Variants in LRRC27 observed in about 807,000 individuals in gnomAD.
LRRC27 encodes the protein leucine rich repeat containing 27.
A neutral mutation model predicts 55.0 loss-of-function variants in LRRC27; 57 were observed. The observed-to-expected ratio is 1.04, with a 90% confidence interval of 0.84 to 1.29. The LOEUF (loss-of-function observed/expected upper bound fraction) is 1.29, where lower values mean the gene tolerates loss of function less well. LRRC27 is among the 50% of genes most tolerant of loss of function. LRRC27 has a pLI of 0.00. For synonymous variants in LRRC27, 278 were observed against 251.9 expected (o/e 1.10, Z -0.98); for missense variants, 721 against 651.5 (o/e 1.11, Z -1.16).
rs2067843814 is a variant in LRRC27 at position 132,348,626 on chromosome 10, C to A, written c.926+270C>A. 6.6e-6 allele frequency among the ~76,000 whole-genome samples: 1 copy of A among 152,300 alleles called. No homozygotes were observed. The highest frequency in any genetic ancestry group is 1.9e-4 in the East Asian group (1 of 5,190). The stretch of plus-strand genomic sequence containing the variant: ...AAAGAGACATAAGCGACAGTGAGAT[C>A]TGTGGCCTGTGCTTTCTCCAGAGAG... On this transcript the variant is annotated intron_variant, in intron 6 of 10. Coordinates refer to ENST00000368614, the MANE Select transcript of LRRC27 (RefSeq NM_030626.3). The surrounding 1 kb of genome is among the most constrained non-coding windows in gnomAD (Gnocchi z 4.2).
intron 7 of LRRC27, among the ~76,000 whole-genome samples, chr10:132,353,612 C>G (rs539296892): frequency 3.9e-5 from 6 of 152,162 alleles, no homozygotes; most frequent in Admixed American, 1.3e-4. Flanking sequence ...GCTGACTGAC[C>G]GCTCTAGGGC....
intron 5 of LRRC27, among the ~76,000 whole-genome samples, chr10:132,347,397 A>G (rs1192107736): frequency 1.7e-4 from 24 of 139,158 alleles, no homozygotes; most frequent in Admixed American, 9.2e-4. Flanking sequence ...CTCTGTGGGA[A>G]GGTCAGGCGT....
At chr10:132,349,031 T>G in intron 6 of LRRC27, 1 of 1,609,848 alleles carries the variant, frequency 6.2e-7, no homozygotes, top group Non-Finnish European at 8.5e-7. Flanking sequence ...ATGGGCGTGG[T>G]AGGGCGTGCG....
intron 3 of LRRC27, 70 bp from the exon 4 acceptor site, chr10:132,342,143 G>T: frequency 1.0e-6 from 1 of 953,850 alleles, no homozygotes; most frequent in South Asian, 1.6e-5. Flanking sequence ...GAAGAAACTT[G>T]ATGGTATATT....
chr10:132,340,952 C>T (rs967514354), intron 3 of LRRC27, among the ~76,000 whole-genome samples: 2 of 151,346 alleles, frequency 1.3e-5, no homozygotes, highest in Middle Eastern at 3.5e-3. Context: ...TTGTCTAAAC[C>T]TTAAGTAATC....
At chr10:132,336,583 G>A (rs1245787443) in intron 2 of LRRC27, among the ~76,000 whole-genome samples, 3 of 152,228 alleles carry the variant, frequency 2.0e-5, no homozygotes, top group Non-Finnish European at 4.4e-5. Flanking sequence ...GTGTTTCATA[G>A]AGAAGGCAAC....
chr10:132,371,523 T>C (rs1044828150), intron 10 of LRRC27, among the ~76,000 whole-genome samples: 1 of 152,166 alleles, frequency 6.6e-6, no homozygotes, highest in Non-Finnish European at 1.5e-5. Flanking sequence ...AAAAACGACC[T>C]TCACTCCTCA....
intron 6 of LRRC27, chr10:132,350,575 C>G (rs959158645): frequency 1.3e-5 from 2 of 152,508 alleles, no homozygotes; most frequent in African/African-American, 4.8e-5. Flanking sequence ...CACTGCTGTT[C>G]CCGTGCAGAC....
chr10:132,341,295 C>A lies in LRRC27; in HGVS notation c.342-918C>A, dbSNP rs1019717328. ...CTGAGGCGGGAGGATTGCTTGAGCC[C>A]AGGAGGCGGAGGTTGCAGTGAGCAG... On this transcript the variant is annotated intron_variant, in intron 3 of 10. Transcript: ENST00000368614. 3.3e-5 allele frequency among the ~76,000 whole-genome samples: 5 copies of A among 151,562 alleles called. No individual in the cohort carries two copies. In the East Asian group the frequency reaches 7.7e-4, roughly 23 times the overall value.
chr10:132,338,176 C>T (rs147424507), intron 3 of LRRC27, among the ~76,000 whole-genome samples: 5 of 152,154 alleles, frequency 3.3e-5, no homozygotes, highest in Admixed American at 1.3e-4. Context: ...ATTTGCCAGG[C>T]GTGGTGGTGG....
At chr10:132,369,464 G>A (rs757085179) in intron 10 of LRRC27, among the ~76,000 whole-genome samples, 36 of 152,312 alleles carry the variant, frequency 2.4e-4, no homozygotes, top group Admixed American at 3.9e-4. Flanking sequence ...GAGAAGACAC[G>A]GGGGAGCCGA....
intron 1 of LRRC27, chr10:132,332,509 C>T (rs1245196951): frequency 6.6e-6 from 1 of 152,270 alleles, no homozygotes; most frequent in African/African-American, 2.4e-5. Flanking sequence ...TCGGAAACCC[C>T]ACGGAGCCTG....
chr10:132,357,001 C>T (rs4880368), intron 8 of LRRC27, among the ~76,000 whole-genome samples: 26,570 of 152,284 alleles, frequency 0.17, 2,638 homozygotes, highest in East Asian at 0.36. Flanking sequence ...AGCGTGGCCA[C>T]GTGGGCCTGC....
At position 132,337,565 on chromosome 10, in the gene LRRC27, C is replaced by CA; in HGVS notation, c.213dup (p.Leu72IlefsTer31). The CA allele has an allele frequency of 6.2e-7, 1 of 1,612,068 alleles. No individual in the cohort carries two copies. The highest frequency in any genetic ancestry group is 8.5e-7 in the Non-Finnish European group (1 of 1,179,300). On this transcript the variant is annotated frameshift_variant and splice_region_variant, in exon 3 of 11. Transcript: ENST00000368614. LOFTEE classifies it high-confidence loss of function. ...TCTCTGATTCTCTTTTCCATGGAAG[C>CA]AATTGCATCTGCAAAGGAATGCCCT...
At chr10:132,352,861 T>A in intron 7 of LRRC27, 1 of 1,613,408 alleles carries the variant, frequency 6.2e-7, no homozygotes, top group Non-Finnish European at 8.5e-7. Context: ...TTCTTTTCCC[T>A]CATTTCTTGT....
intron 7 of LRRC27, among the ~76,000 whole-genome samples, chr10:132,353,961 T>A (rs1178359286): frequency 6.6e-6 from 1 of 152,208 alleles, no homozygotes; most frequent in Non-Finnish European, 1.5e-5. Context: ...GGTACCGTTT[T>A]CTGAAGTGGG....
At chr10:132,341,962 C>T (rs1343492656) in intron 3 of LRRC27, among the ~76,000 whole-genome samples, 1 of 152,306 alleles carries the variant, frequency 6.6e-6, no homozygotes, top group African/African-American at 2.4e-5. Context: ...TGGAGGTGTA[C>T]AATACCCCGC....
At position 132,375,093 on chromosome 10, in the gene LRRC27, A is replaced by G; in HGVS notation, c.1444A>G (p.Lys482Glu). The G allele has an allele frequency of 6.2e-7, 1 of 1,613,778 alleles. No individual in the cohort carries two copies. Among genetic ancestry groups the G allele is most frequent in the Non-Finnish European group, 8.5e-7 (1 of 1,179,860 alleles). The change falls in exon 11 of 11, where the codon AAG becomes GAG. Residue 482 changes from lysine (K) to glutamate (E), a missense_variant. Lys to Glu is a moderately conservative substitution (Grantham distance 56, BLOSUM62 1). Transcript: ENST00000368614. ...CACAGAGCTACAGGATGAAGTATTG[A>G]AGCTAAAATTGGGATTAACCTTGAA... ...IATELQDEVL[K>E]LKLGLTLNKD...
intron 2 of LRRC27, 131 bp from the exon 3 acceptor site, chr10:132,337,434 G>GT: frequency 6.9e-7 from 1 of 1,440,830 alleles, no homozygotes; most frequent in Middle Eastern, 2.1e-4. Context: ...AAGAGATTGG[G>GT]TTTTTGTTTT....
Sources: gnomAD v4.1 joint callset for allele counts (sites outside exome capture counted in the v4.1 genomes callset) on GRCh38, gnomAD v4.1.1 for gene constraint, Gnocchi (gnomAD v3.1) non-coding constraint, MANE v1.5 for transcripts, NCBI Gene and HGNC (gene_info 2026-07-23, HGNC 2026-07-21) for gene names.